CHIC1: variants seen among roughly 807,000 people sequenced by gnomAD.
CHIC1 encodes the protein cysteine rich hydrophobic domain 1.
In CHIC1, 7 loss-of-function variants were observed where a neutral mutation model predicts 18.5. The observed-to-expected ratio is 0.38, with a 90% CI of 0.22 to 0.71. CHIC1 has a LOEUF of 0.71. CHIC1 is among the 30% of genes least tolerant of loss of function. The pLI is 0.49. For synonymous variants in CHIC1, 77 were observed against 73.5 expected (o/e 1.05, Z -0.25); for missense variants, 159 against 176.9 (o/e 0.90, Z 0.57).
intron 3 of CHIC1, among the ~76,000 whole-genome samples, chrX:73,655,649 G>GTATA (rs75147852): frequency 4.4e-5 from 3 of 67,586 alleles, no homozygotes; most frequent in African/African-American, 1.5e-4. Flanking sequence ...GTGTGTGTGT[G>GTATA]TATATATATA....
At chrX:73,586,939 A>C (rs1280914895) in intron 3 of CHIC1, among the ~76,000 whole-genome samples, 2 of 111,940 alleles carry the variant, frequency 1.8e-5, no homozygotes, top group Admixed American at 9.5e-5. Context: ...CAACCGCTCA[A>C]CTGTGGCATT....
rs1319291763 is a variant in CHIC1, at chrX:73,563,536, T to C, written c.252T>C (p.Tyr84=). 2.6e-6 allele frequency: 3 copies of C among 1,138,504 alleles called. No homozygotes were observed. The South Asian group carries it at 6.6e-5, about 25-fold the overall frequency. 93.8% of individuals were successfully genotyped at this position (1,138,504 alleles called of 1,213,427 possible). Residue 84 remains tyrosine, a synonymous_variant, in exon 1 of 6, where the codon TAT becomes TAC. Coordinates refer to ENST00000373502, the MANE Select transcript of CHIC1 (RefSeq NM_001039840.4). ...RVVSEEHLRR[Y]APDPVLVRGA... ...TGAGCGAGGAGCATCTGCGGAGATA[T>C]GCTCCCGACCCTGTATTAGTGCGGG...
chrX:73,630,082 A>G (rs1033119834), intron 3 of CHIC1, among the ~76,000 whole-genome samples: 3 of 112,006 alleles, frequency 2.7e-5, no homozygotes, highest in Non-Finnish European at 5.6e-5. Flanking sequence ...TAAAAACACA[A>G]CTGTTTTTGT....
intron 3 of CHIC1, among the ~76,000 whole-genome samples, chrX:73,657,655 G>A (rs2057957143): frequency 8.9e-6 from 1 of 111,843 alleles, no homozygotes; most frequent in Non-Finnish European, 1.9e-5. Context: ...CCAATACTAT[G>A]TTGAATAGGA....
intron 3 of CHIC1, among the ~76,000 whole-genome samples, chrX:73,656,072 C>T (rs941167014): frequency 5.4e-5 from 6 of 111,707 alleles, no homozygotes; most frequent in Admixed American, 3.8e-4. Flanking sequence ...TGATATTGAG[C>T]ATTTTTTATG....
intron 3 of CHIC1, among the ~76,000 whole-genome samples, chrX:73,603,672 T>C (rs1218944115): frequency 2.8e-5 from 3 of 108,801 alleles, no homozygotes; most frequent in African/African-American, 1.1e-4. Flanking sequence ...TGAGATATGT[T>C]CCATTAATAC....
rs770923373 is a variant in CHIC1 at position 73,563,545 on chromosome X, C to T, written c.261C>T (p.Asp87=). The T allele has an allele frequency of 2.7e-6, 3 of 1,125,317 alleles. No individual in the cohort carries two copies. Among genetic ancestry groups the T allele is most frequent in the Non-Finnish European group, 3.5e-6 (3 of 851,906 alleles). 92.7% of individuals were successfully genotyped at this position (1,125,317 alleles called of 1,213,427 possible). ...AGCATCTGCGGAGATATGCTCCCGA[C>T]CCTGTATTAGTGCGGGGTGCCGGCC... is the stretch of plus-strand genomic sequence containing the variant. ...SEEHLRRYAP[D]PVLVRGAGHI... The change falls in exon 1 of 6, where the codon GAC becomes GAT. Residue 87 remains aspartate (D), a synonymous_variant. Coordinates refer to ENST00000373502, the MANE Select transcript of CHIC1 (RefSeq NM_001039840.4).
intron 3 of CHIC1, among the ~76,000 whole-genome samples, chrX:73,665,950 G>T (rs761761739): frequency 9.0e-6 from 1 of 111,422 alleles, no homozygotes; most frequent in Non-Finnish European, 1.9e-5. Context: ...TAACATGGTC[G>T]CCCCCTTGGA....
Position 73,663,051 on chromosome X carries a change from G to A in CHIC1, c.508-16275G>A, listed in dbSNP as rs143886062. Among the ~76,000 whole-genome samples the A allele has an allele frequency of 4.6e-3, 512 of 111,347 alleles. 2 individuals carry two copies. The highest frequency in any genetic ancestry group is 0.016 in the African/African-American group (497 of 30,621). ...ATTTTTCTCTGTCCTGTTCTGCAACGGGAATAGTATAAAAACAGTCTTTTA... is the reference window on the plus strand; with the variant it reads ...ATTTTTCTCTGTCCTGTTCTGCAACAGGAATAGTATAAAAACAGTCTTTTA... On this transcript the variant is annotated intron_variant, in intron 3 of 5. Transcript: ENST00000373502.
intron 3 of CHIC1, among the ~76,000 whole-genome samples, chrX:73,614,368 A>G (rs1005138943): frequency 1.8e-5 from 2 of 111,159 alleles, no homozygotes; most frequent in African/African-American, 6.5e-5. Context: ...AATGGTATCT[A>G]TTTGGAGATC....
In CHIC1 at chrX:73,686,293, T is replaced by G. The variant is rs749295147; in HGVS notation, c.*5288T>G. On this transcript the variant is annotated 3_prime_UTR_variant, in exon 6 of 6. Coordinates refer to ENST00000373502, the MANE Select transcript of CHIC1 (RefSeq NM_001039840.4). ...AATGAAATGTGTGTGTTTGTGTGTTTTGGCTATATTAGGCTATATAACTTC... is the reference window on the plus strand; with the variant it reads ...AATGAAATGTGTGTGTTTGTGTGTTGTGGCTATATTAGGCTATATAACTTC... The G allele has an allele frequency of 9.0e-6, 1 of 111,435 alleles. No homozygotes were observed. Among genetic ancestry groups the G allele is most frequent in the South Asian group, 3.7e-4 (1 of 2,699 alleles). The allele number at this position is 111,435 out of a possible 1,213,427, so 9.2% of individuals were successfully genotyped here. A position where few individuals can be genotyped will look rare whatever the true frequency, so the allele number is the denominator to read the frequency against.
intron 3 of CHIC1, among the ~76,000 whole-genome samples, chrX:73,673,248 T>C (rs2058041717): frequency 9.0e-6 from 1 of 111,647 alleles, no homozygotes; most frequent in African/African-American, 3.3e-5. Flanking sequence ...TTTGGTTCCA[T>C]ATGAACTTTA....
intron 3 of CHIC1, among the ~76,000 whole-genome samples, chrX:73,678,468 T>C (rs2058081978): frequency 9.0e-6 from 1 of 111,534 alleles, no homozygotes; most frequent in Non-Finnish European, 1.9e-5. Flanking sequence ...AGAAGTTTGC[T>C]CTTCAGGCTC....
intron 3 of CHIC1, among the ~76,000 whole-genome samples, chrX:73,626,836 C>T (rs186778596): frequency 9.0e-6 from 1 of 110,679 alleles, no homozygotes; most frequent in Non-Finnish European, 1.9e-5. Context: ...TCATGTTTTC[C>T]TGGATGCTGT....
intron 3 of CHIC1, among the ~76,000 whole-genome samples, chrX:73,592,114 G>GT (rs2057584832): frequency 9.0e-6 from 1 of 110,518 alleles, no homozygotes; most frequent in Non-Finnish European, 1.9e-5. Context: ...AGTCTTTTGG[G>GT]TTTTTCTAGG....
chrX:73,603,212 A>G (rs1402047742), intron 3 of CHIC1, among the ~76,000 whole-genome samples: 1 of 107,727 alleles, frequency 9.3e-6, no homozygotes, highest in African/African-American at 3.6e-5. Flanking sequence ...TCTTGAAGAG[A>G]TCCTTCACTT....
At chrX:73,585,348 G>A (rs1264253867) in intron 3 of CHIC1, among the ~76,000 whole-genome samples, 2 of 110,611 alleles carry the variant, frequency 1.8e-5, no homozygotes, top group Non-Finnish European at 3.8e-5. Flanking sequence ...TTCCTGCCTG[G>A]TTTAATGTTT....
rs1014413393 is a variant in CHIC1, at chrX:73,682,126, GTA to G, written c.*1126_*1127del. 1 of 111,340 alleles carries G rather than the reference GTA, an allele frequency of 9.0e-6. No individual in the cohort carries two copies. The highest frequency in any genetic ancestry group is 3.2e-5 in the African/African-American group (1 of 30,820). The allele number at this position is 111,340 out of a possible 1,213,427, so 9.2% of individuals were successfully genotyped here. On this transcript the variant is annotated 3_prime_UTR_variant, in exon 6 of 6. Transcript: ENST00000373502. ...CTATTTGAGAAGCTGTAGCTAAAGA[GTA>G]TATAGCAGCTGATTCATAATTGAAA...
At chrX:73,595,785 C>T (rs919679238) in intron 3 of CHIC1, among the ~76,000 whole-genome samples, 1 of 111,389 alleles carries the variant, frequency 9.0e-6, no homozygotes, top group African/African-American at 3.3e-5. Flanking sequence ...ATTTACACTC[C>T]CAACATCTGT....
Sources: allele counts gnomAD v4.1 joint callset (sites outside exome capture counted in the v4.1 genomes callset), GRCh38; gene constraint gnomAD v4.1.1; transcripts MANE v1.5; gene names NCBI Gene and HGNC (gene_info 2026-07-23, HGNC 2026-07-21).